The following PARD3B variants were observed in gnomAD, a reference collection of about 807,000 sequenced individuals.
PARD3B encodes the protein partitioning defective 3 homolog B.
In PARD3B, 103 loss-of-function variants were observed where a neutral mutation model predicts 130.2. That is an observed-to-expected ratio of 0.79 (90% confidence interval 0.67 to 0.93). The LOEUF (loss-of-function observed/expected upper bound fraction) is 0.93. Ranked by LOEUF, PARD3B falls within the 40% of genes least tolerant of loss-of-function variation. The probability of loss-of-function intolerance (pLI) is 0.00; values close to 1 mark genes in which losing one functional copy is unlikely to be tolerated. For synonymous variants in PARD3B, 583 were observed against 553.2 expected (o/e 1.05, Z -0.76); for missense variants, 1,609 against 1,499.2 (o/e 1.07, Z -1.21).
intron 4 of PARD3B, among the ~76,000 whole-genome samples, chr2:205,057,501 A>G (rs1237126169): frequency 3.4e-5 from 5 of 144,954 alleles, no homozygotes; most frequent in Non-Finnish European, 6.0e-5. Flanking sequence ...ATGTATATAT[A>G]CATATATGTG....
chr2:204,691,015 T>A (rs2037328560), intron 2 of PARD3B, among the ~76,000 whole-genome samples: 1 of 152,150 alleles, frequency 6.6e-6, no homozygotes, highest in Non-Finnish European at 1.5e-5. Flanking sequence ...GTAGAAATTA[T>A]TTCAAAGTCA....
chr2:204,861,870 G>A (rs2045217020), intron 2 of PARD3B, among the ~76,000 whole-genome samples: 1 of 141,088 alleles, frequency 7.1e-6, no homozygotes, highest in Non-Finnish European at 1.5e-5. Flanking sequence ...GGCTTCAGTG[G>A]GGAAAAACTC....
chr2:205,445,671 A>G (rs1304121771), intron 20 of PARD3B, among the ~76,000 whole-genome samples: 1 of 152,212 alleles, frequency 6.6e-6, no homozygotes, highest in Non-Finnish European at 1.5e-5. Flanking sequence ...CATGAAATTT[A>G]GGCAGGGACA....
chr2:205,558,298 C>G lies in PARD3B; in HGVS notation c.3260+4895C>G, dbSNP rs1017020983. Among the ~76,000 whole-genome samples, 7 of 152,234 alleles carry G rather than the reference C, an allele frequency of 4.6e-5. No homozygotes were observed. In the South Asian group the frequency reaches 1.5e-3, roughly 32 times the overall value. ...AACCAGGAAGGTGGAGCATGATGCT[C>G]TAGCTCCCAGGGCAGACATGGCATG... On this transcript the variant is annotated intron_variant, in intron 22 of 22. Transcript: ENST00000406610. This position sits in a 1 kb window ranked among gnomAD's most constrained non-coding sequence, Gnocchi z 4.8.
At chr2:204,750,253 C>T (rs2040407905) in intron 2 of PARD3B, among the ~76,000 whole-genome samples, 1 of 152,186 alleles carries the variant, frequency 6.6e-6, no homozygotes, top group African/African-American at 2.4e-5. Flanking sequence ...CCAAGGTCTG[C>T]TTCTGAAGAA....
intron 18 of PARD3B, among the ~76,000 whole-genome samples, chr2:205,349,817 T>C (rs1175670498): frequency 6.7e-6 from 1 of 148,280 alleles, no homozygotes; most frequent in African/African-American, 2.5e-5. Flanking sequence ...TTTTTTTTTT[T>C]TTTAAAAAAA....
chr2:205,152,735 G>A (rs923552626), intron 10 of PARD3B, among the ~76,000 whole-genome samples: 6 of 152,072 alleles, frequency 3.9e-5, no homozygotes, highest in East Asian at 1.9e-4. Flanking sequence ...TGTTATTACC[G>A]ATCTCCTGAA....
chr2:204,550,725 T>C (rs1365250195), intron 1 of PARD3B, among the ~76,000 whole-genome samples: 2 of 152,336 alleles, frequency 1.3e-5, no homozygotes, highest in East Asian at 3.9e-4. Flanking sequence ...TGAGGCAGCT[T>C]CCCAGAACTG....
intron 11 of PARD3B, among the ~76,000 whole-genome samples, chr2:205,166,368 G>T (rs1470277157): frequency 2.0e-5 from 3 of 152,130 alleles, no homozygotes; most frequent in Middle Eastern, 3.2e-3. Flanking sequence ...GAGCAGGAAT[G>T]CAAAGGGCAT....
chr2:205,037,848 T>A (rs1698116345), intron 3 of PARD3B, among the ~76,000 whole-genome samples: 1 of 152,098 alleles, frequency 6.6e-6, no homozygotes, highest in Admixed American at 6.6e-5. Flanking sequence ...TTTACTTATG[T>A]AAATTTTACA....
chr2:205,605,651 G>A (rs935271763), intron 22 of PARD3B, among the ~76,000 whole-genome samples: 10 of 152,044 alleles, frequency 6.6e-5, no homozygotes, highest in African/African-American at 2.2e-4. Flanking sequence ...GAGGGGCATC[G>A]ACCTGATGCC....
chr2:204,617,877 C>T (rs763560538), intron 1 of PARD3B, among the ~76,000 whole-genome samples: 1 of 152,192 alleles, frequency 6.6e-6, no homozygotes, highest in African/African-American at 2.4e-5. Flanking sequence ...GACATGATCT[C>T]ATTCTTTTTC....
chr2:205,485,395 C>T (rs1035268068), intron 20 of PARD3B, among the ~76,000 whole-genome samples: 2 of 152,130 alleles, frequency 1.3e-5, no homozygotes, highest in Non-Finnish European at 2.9e-5. Context: ...CCCTCTGGCA[C>T]GTTAGCCAAC....
chr2:204,562,574 G>A (rs1324628533), intron 1 of PARD3B, among the ~76,000 whole-genome samples: 1 of 152,174 alleles, frequency 6.6e-6, no homozygotes, highest in East Asian at 1.9e-4. Context: ...AACTGAAAGA[G>A]TTTTACTTGT....
At chr2:204,972,318 T>C (rs1290112354) in intron 3 of PARD3B, among the ~76,000 whole-genome samples, 1 of 152,162 alleles carries the variant, frequency 6.6e-6, no homozygotes, top group African/African-American at 2.4e-5. Flanking sequence ...GAACATGCTA[T>C]AGTTTTATAA....
intron 2 of PARD3B, among the ~76,000 whole-genome samples, chr2:204,854,364 A>G (rs1031490246): frequency 7.9e-5 from 12 of 152,176 alleles, no homozygotes; most frequent in African/African-American, 2.7e-4. Context: ...TGCTAAAAGT[A>G]TAGGTTAGAA....
At chr2:205,042,558 A>T (rs1255141739) in intron 3 of PARD3B, among the ~76,000 whole-genome samples, 1 of 151,950 alleles carries the variant, frequency 6.6e-6, no homozygotes, top group Non-Finnish European at 1.5e-5. Context: ...GGACTCTTCT[A>T]TTCCTGCATC....
In PARD3B at chr2:205,616,659, C is replaced by T. The variant is rs935096459; in HGVS notation, c.*846C>T. 5.9e-5 allele frequency: 9 copies of T among 152,306 alleles called. No individual in the cohort carries two copies. Among genetic ancestry groups the T allele is most frequent in the African/African-American group, 2.2e-4 (9 of 41,562 alleles). 9.4% of individuals were successfully genotyped at this position (152,306 alleles called of 1,614,324 possible). A position where few individuals can be genotyped will look rare whatever the true frequency, so the allele number is the denominator to read the frequency against. On this transcript the variant is annotated 3_prime_UTR_variant, in exon 23 of 23. Coordinates refer to ENST00000406610, the MANE Select transcript of PARD3B (RefSeq NM_001302769.2). ...GCATGGAGATATCTGGTTTCAGAGT[C>T]AGCCCCAAATCTCCTGCCTATAATT...
intron 2 of PARD3B, among the ~76,000 whole-genome samples, chr2:204,727,045 C>G (rs2039265811): frequency 6.6e-6 from 1 of 152,148 alleles, no homozygotes; most frequent in Non-Finnish European, 1.5e-5. Context: ...ACCTTTGATT[C>G]ATTGAAACTC....
Sources: gnomAD v4.1 joint callset for allele counts (sites outside exome capture counted in the v4.1 genomes callset) on GRCh38, gnomAD v4.1.1 for gene constraint, Gnocchi (gnomAD v3.1) non-coding constraint, MANE v1.5 for transcripts, NCBI Gene and HGNC (gene_info 2026-07-23, HGNC 2026-07-21) for gene names.